The following ANLN variants were observed in gnomAD, a reference collection of about 807,000 sequenced individuals.
ANLN encodes anillin.
ANLN carries 59 observed loss-of-function variants against 135.1 expected under a neutral mutation model. That is an observed-to-expected ratio of 0.44 (90% CI 0.35 to 0.54). The LOEUF is 0.54. Ranked by LOEUF, ANLN falls within the 20% of genes least tolerant of loss-of-function variation. The pLI, the probability that ANLN is intolerant of heterozygous loss-of-function variation, is 0.00. For missense variants in ANLN, 1,182 were observed against 1,340.0 expected (o/e 0.88, Z 1.84); for synonymous variants, 406 against 456.4 (o/e 0.89, Z 1.41).
chr7:36,401,619 G>A (rs1458020326), intron 3 of ANLN, among the ~76,000 whole-genome samples: 2 of 121,794 alleles, frequency 1.6e-5, no homozygotes, highest in Non-Finnish European at 3.6e-5. Context: ...GATTATAGAC[G>A]TGAGCCACCT....
At chr7:36,406,839 T>C (rs1787212762) in intron 4 of ANLN, among the ~76,000 whole-genome samples, 1 of 152,200 alleles carries the variant, frequency 6.6e-6, no homozygotes, top group African/African-American at 2.4e-5. Flanking sequence ...AGCCTCTTCT[T>C]AGTCATTAAG....
intron 20 of ANLN, chr7:36,428,184 G>T (rs752890128): frequency 9.1e-6 from 3 of 330,542 alleles, no homozygotes; most frequent in African/African-American, 4.4e-5. Context: ...ATTAATGCAT[G>T]AATGTGTTTT....
intron 21 of ANLN, among the ~76,000 whole-genome samples, chr7:36,439,945 CA>C (rs1250911118): frequency 6.6e-6 from 1 of 152,152 alleles, no homozygotes. Flanking sequence ...GGATTTTAAG[CA>C]GAGGAAATTA....
At chr7:36,427,058 T>TG (rs781110874) in intron 20 of ANLN, 30 bp downstream of exon 20, 236 of 1,456,238 alleles carry the variant, frequency 1.6e-4, no homozygotes, top group Admixed American at 2.5e-4. Context: ...AAGGGTGTGG[T>TG]GTTTTTTTTT....
At chr7:36,446,968 G>A (rs1789027208) in intron 22 of ANLN, among the ~76,000 whole-genome samples, 1 of 152,124 alleles carries the variant, frequency 6.6e-6, no homozygotes, top group Non-Finnish European at 1.5e-5. Context: ...ATGTATAGTA[G>A]TTCCCCCTTA....
intron 20 of ANLN, among the ~76,000 whole-genome samples, chr7:36,436,267 T>C (rs958607234): frequency 2.0e-5 from 3 of 152,236 alleles, no homozygotes; most frequent in Non-Finnish European, 4.4e-5. Flanking sequence ...GTTTCGGAAG[T>C]ACATCCATGA....
At chr7:36,400,216 CTAAGACTTGCAATTTGGCAG>C (rs1197088532) in intron 3 of ANLN, among the ~76,000 whole-genome samples, 12 of 152,210 alleles carry the variant, frequency 7.9e-5, no homozygotes, top group African/African-American at 2.2e-4. Flanking sequence ...ATCTTTGGCA[CTAAGACTTGCAATTTGGCAG>C]TAAGAGCTGA....
rs1302037876 is a variant in ANLN, at chr7:36,417,207, T to C, written c.1633+17T>C. On this transcript the variant is annotated intron_variant, in intron 9 of 23. Coordinates refer to ENST00000265748, the MANE Select transcript of ANLN (RefSeq NM_018685.5). ...AGAAAATTGGTTGGTTTTTATTCTT[T>C]ATTTATTATTAACTTTGCACATACT... 3.6e-6 allele frequency: 5 copies of C among 1,389,494 alleles called. No individual in the cohort carries two copies. The African/African-American group carries it at 7.3e-5, about 20-fold the overall frequency. 86.1% of individuals were successfully genotyped at this position (1,389,494 alleles called of 1,614,324 possible).
At chr7:36,430,781 A>C (rs1005225481) in intron 20 of ANLN, among the ~76,000 whole-genome samples, 1 of 152,172 alleles carries the variant, frequency 6.6e-6, no homozygotes, top group Non-Finnish European at 1.5e-5. Context: ...ATATCCCAGC[A>C]TATAACACAT....
At chr7:36,391,158 A>T (rs761340174) in intron 1 of ANLN, among the ~76,000 whole-genome samples, 2 of 152,120 alleles carry the variant, frequency 1.3e-5, no homozygotes, top group Non-Finnish European at 2.9e-5. Flanking sequence ...AAATACATCA[A>T]TTTTTTTCAC....
chr7:36,415,406 TTTTA>T (rs1390750810), intron 7 of ANLN, among the ~76,000 whole-genome samples: 1 of 282 alleles, frequency 3.5e-3, no homozygotes, highest in Non-Finnish European at 0.042. Flanking sequence ...TTTATTGTTA[TTTTA>T]TTTTATTTTA....
intron 3 of ANLN, among the ~76,000 whole-genome samples, chr7:36,403,027 G>A (rs529914506): frequency 6.6e-6 from 1 of 152,282 alleles, no homozygotes; most frequent in African/African-American, 2.4e-5. Flanking sequence ...TGAGGCAGGA[G>A]AATGTCTTGA....
At chr7:36,398,770 C>T (rs928027505) in intron 2 of ANLN, among the ~76,000 whole-genome samples, 12 of 150,228 alleles carry the variant, frequency 8.0e-5, no homozygotes, top group Admixed American at 6.7e-4. Flanking sequence ...GCCCCCCTTC[C>T]GCTCTTCCCC....
rs1258444056 is a variant in ANLN at position 36,399,354 on chromosome 7, G to T, written c.448G>T (p.Ala150Ser). The change falls in exon 3 of 24, where the codon GCA (alanine) becomes TCA (serine). Residue 150 changes from alanine to serine, a missense_variant. Ala to Ser is a moderately conservative substitution (Grantham distance 99). Around this residue, in one of 3 missense-constraint regions of ANLN, gnomAD observed 1,022 missense variants for 1,134.0 expected, o/e 0.90. Transcript: ENST00000265748. ...AGTTAAAACACGTATGCAAAAACTT[G>T]CAGAGCAACGGCGCCGTTGGGATAA... is the stretch of plus-strand genomic sequence containing the variant. ...SSVKTRMQKLAEQRRRWDNDD... is the reference protein window; with the variant it reads ...SSVKTRMQKLSEQRRRWDNDD... 7 of 1,613,356 alleles carry T rather than the reference G, an allele frequency of 4.3e-6. No homozygotes were observed. Among genetic ancestry groups the T allele is most frequent in the Non-Finnish European group, 5.9e-6 (7 of 1,179,716 alleles).
Position 36,415,777 on chromosome 7 carries a change from C to T in ANLN, c.1415C>T (p.Thr472Ile). Residue 472 changes from threonine to isoleucine, a missense_variant, in exon 8 of 24, where the codon ACT becomes ATT. This residue lies in a region of ANLN where 1,022 missense variants were observed against 1,134.0 expected (regional missense o/e 0.90). Transcript: ENST00000265748. ...ETKQETHCQS[T>I]PLKKHQGVSK... is the part of the protein sequence containing the mutation. ...TTGCAGGAAACTCACTGTCAGAGCACTCCCCTCAAAAAACACCAAGGTGTT... is the reference window on the plus strand; with the variant it reads ...TTGCAGGAAACTCACTGTCAGAGCATTCCCCTCAAAAAACACCAAGGTGTT... The T allele has an allele frequency of 1.2e-6, 2 of 1,602,404 alleles. No individual in the cohort carries two copies. Among genetic ancestry groups the T allele is most frequent in the Non-Finnish European group, 8.5e-7 (1 of 1,176,310 alleles).
intron 20 of ANLN, among the ~76,000 whole-genome samples, chr7:36,435,999 T>TAC (rs1201495677): frequency 4.0e-5 from 6 of 151,124 alleles, no homozygotes; most frequent in African/African-American, 1.5e-4. Context: ...AATTTTAAGG[T>TAC]AAACTATTCA....
Position 36,406,330 on chromosome 7 carries a change from G to A in ANLN, c.637G>A (p.Glu213Lys), listed in dbSNP as rs200557457. 4 of 1,614,180 alleles carry A rather than the reference G, an allele frequency of 2.5e-6. No homozygotes were observed. The Admixed American group carries it at 5.0e-5, about 20-fold the overall frequency. Residue 213 changes from glutamate (E) to lysine (K), a missense_variant, in exon 4 of 24, where the codon GAA becomes AAA. Physicochemically the swap from Glu to Lys is moderately conservative, Grantham distance 56. Coordinates refer to ENST00000265748, the MANE Select transcript of ANLN (RefSeq NM_018685.5). ...ANLAATICSW[E>K]DDVNHSFAKQ... The stretch of plus-strand genomic sequence containing the variant: ...TCTTGCTGCAACTATTTGCTCCTGG[G>A]AAGATGATGTAAATCACTCATTTGC...
Position 36,420,253 on chromosome 7 carries a change from C to T in ANLN, c.1954C>T (p.Arg652Cys), listed in dbSNP as rs569378477. The change falls in exon 11 of 24, where the codon CGT becomes TGT. Residue 652 changes from arginine to cysteine, a missense_variant. By Grantham distance (180) the Arg-to-Cys change is radical. Transcript: ENST00000265748. ...SPKPGKFQRT[R>C]VPRAESGDSL... is the part of the protein sequence containing the mutation. ...AAAACCAGGAAAATTCCAAAGAACT[C>T]GTGTCCCTCGAGCTGAATCTGGTGA... 2.5e-5 allele frequency: 40 copies of T among 1,614,034 alleles called. 2 individuals are homozygous for T. The highest frequency in any genetic ancestry group is 1.6e-4 in the South Asian group (15 of 91,076).
At chr7:36,434,648 G>C (rs1788455083) in intron 20 of ANLN, among the ~76,000 whole-genome samples, 1 of 152,150 alleles carries the variant, frequency 6.6e-6, no homozygotes, top group African/African-American at 2.4e-5. Context: ...TGGATCACTT[G>C]AGGTCAGGAG....
Sources: allele counts gnomAD v4.1 joint callset (sites outside exome capture counted in the v4.1 genomes callset), GRCh38; gene constraint gnomAD v4.1.1; regional missense constraint gnomAD v4.1.1; transcripts MANE v1.5; gene names NCBI Gene and HGNC (gene_info 2026-07-23, HGNC 2026-07-21).